NTM: variants seen among roughly 807,000 people sequenced by gnomAD.
NTM encodes IgLON family member 2.
Under a neutral mutation model 42.1 loss-of-function variants are expected in NTM, and 13 were observed. The observed-to-expected ratio is 0.31, with a 90% confidence interval of 0.20 to 0.49. The LOEUF (loss-of-function observed/expected upper bound fraction) is 0.49, where lower values mean the gene tolerates loss of function less well. NTM is among the 20% of genes least tolerant of loss of function. NTM has a pLI of 0.99. For missense variants in NTM, 373 were observed against 452.8 expected, an observed-to-expected ratio of 0.82 and a Z score of 1.60; for synonymous variants, 187 against 179.2, an observed-to-expected ratio of 1.04 and a Z score of -0.35.
At chr11:131,643,480 A>G (rs899954043) in intron 1 of NTM, among the ~76,000 whole-genome samples, 2 of 152,146 alleles carry the variant, frequency 1.3e-5, no homozygotes, top group Admixed American at 1.3e-4. Flanking sequence ...CCCCTTCCTC[A>G]AGAGCTGGCC....
At chr11:132,198,816 T>C (rs186804618) in intron 3 of NTM, among the ~76,000 whole-genome samples, 1 of 152,364 alleles carries the variant, frequency 6.6e-6, no homozygotes, top group Non-Finnish European at 1.5e-5. Flanking sequence ...TCAGGACATG[T>C]ACTTTAAAAT....
chr11:132,025,566 T>C (rs1343090139), intron 2 of NTM, among the ~76,000 whole-genome samples: 2 of 152,138 alleles, frequency 1.3e-5, no homozygotes, highest in African/African-American at 4.8e-5. Flanking sequence ...AGCAGCCCTC[T>C]GATGCTCCCT....
intron 1 of NTM, among the ~76,000 whole-genome samples, chr11:131,764,682 G>A (rs567510578): frequency 2.1e-4 from 32 of 152,146 alleles, no homozygotes; most frequent in Non-Finnish European, 4.4e-4. Flanking sequence ...ATACAATCAT[G>A]TGTGCAATTA....
intron 1 of NTM, among the ~76,000 whole-genome samples, chr11:131,759,570 C>T (rs1352312816): frequency 2.6e-5 from 4 of 151,894 alleles, no homozygotes; most frequent in Non-Finnish European, 4.4e-5. Flanking sequence ...ATGCTATTTT[C>T]CTGGAGTAAG....
intron 4 of NTM, among the ~76,000 whole-genome samples, chr11:132,222,610 C>T (rs1459353088): frequency 6.6e-6 from 1 of 152,142 alleles, no homozygotes; most frequent in Non-Finnish European, 1.5e-5. Context: ...CAGTCTGCCA[C>T]CTGGCTCTCC....
intron 2 of NTM, among the ~76,000 whole-genome samples, chr11:132,109,207 T>G (rs11222935): frequency 0.7 from 105,729 of 151,498 alleles, 37,649 homozygotes; most frequent in African/African-American, 0.78. Context: ...TATCTTTTAG[T>G]TATATACCCA....
At chr11:131,643,358 G>A (rs954493378) in intron 1 of NTM, among the ~76,000 whole-genome samples, 3 of 152,308 alleles carry the variant, frequency 2.0e-5, no homozygotes, top group East Asian at 3.9e-4. Flanking sequence ...GCCTGCTGAC[G>A]GTTCCAGCAC....
chr11:131,416,811 G>T (rs1947006530), intron 1 of NTM, among the ~76,000 whole-genome samples: 1 of 152,296 alleles, frequency 6.6e-6, no homozygotes, highest in African/African-American at 2.4e-5. Context: ...ATTAAAGAGT[G>T]GGTTGGAAGA....
At chr11:131,810,556 G>A (rs1472647126) in intron 1 of NTM, among the ~76,000 whole-genome samples, 1 of 152,212 alleles carries the variant, frequency 6.6e-6, no homozygotes, top group Non-Finnish European at 1.5e-5. Context: ...CAGGTACCAT[G>A]CTTGTGTCTG....
At chr11:131,635,256 C>A (rs371912675) in intron 1 of NTM, among the ~76,000 whole-genome samples, 1 of 152,116 alleles carries the variant, frequency 6.6e-6, no homozygotes, top group Admixed American at 6.5e-5. Context: ...AGGAGGGATT[C>A]CAGAATAAGG....
chr11:131,405,469 C>A (rs1380240041), intron 1 of NTM, among the ~76,000 whole-genome samples: 2 of 152,102 alleles, frequency 1.3e-5, no homozygotes, highest in Admixed American at 1.3e-4. Flanking sequence ...CTTCCCTTTC[C>A]TTCACCCTTA....
At chr11:132,159,988 A>G (rs2073964829) in intron 3 of NTM, among the ~76,000 whole-genome samples, 1 of 152,182 alleles carries the variant, frequency 6.6e-6, no homozygotes, top group Non-Finnish European at 1.5e-5. Flanking sequence ...TTGTTGCTGC[A>G]CTGTTGTTCA....
chr11:131,384,503 T>C (rs1178948640), intron 1 of NTM, among the ~76,000 whole-genome samples: 1 of 152,060 alleles, frequency 6.6e-6, no homozygotes, highest in African/African-American at 2.4e-5. Flanking sequence ...GGGATACAAA[T>C]AGAAAGAAGA....
chr11:132,198,986 G>A (rs1325683658), intron 3 of NTM, among the ~76,000 whole-genome samples: 1 of 152,228 alleles, frequency 6.6e-6, no homozygotes, highest in Non-Finnish European at 1.5e-5. Flanking sequence ...ATGTAGACCT[G>A]AAAAGCAAGC....
intron 1 of NTM, among the ~76,000 whole-genome samples, chr11:131,405,862 G>A (rs887751852): frequency 1.3e-5 from 2 of 152,120 alleles, no homozygotes; most frequent in African/African-American, 4.8e-5. Flanking sequence ...TCTTAAACTT[G>A]CCAAGTTTGG....
At chr11:131,505,868 C>T (rs57717620) in intron 1 of NTM, among the ~76,000 whole-genome samples, 3,971 of 152,190 alleles carry the variant, frequency 0.026, 189 homozygotes, top group African/African-American at 0.09. Flanking sequence ...TGTGATCCCG[C>T]GCAAGTTACT....
chr11:131,548,604 C>T (rs2054251725), intron 1 of NTM, among the ~76,000 whole-genome samples: 1 of 152,170 alleles, frequency 6.6e-6, no homozygotes, highest in South Asian at 2.1e-4. Flanking sequence ...CAGAGTCTGC[C>T]TTCCCCATCC....
intron 1 of NTM, among the ~76,000 whole-genome samples, chr11:131,382,254 G>A (rs1942780328): frequency 6.6e-6 from 1 of 152,082 alleles, no homozygotes; most frequent in South Asian, 2.1e-4. Flanking sequence ...TGGGAGACTG[G>A]GATCCTTCCT....
intron 2 of NTM, among the ~76,000 whole-genome samples, chr11:132,011,178 A>T (rs1348907910): frequency 1.3e-5 from 2 of 152,040 alleles, no homozygotes; most frequent in Non-Finnish European, 2.9e-5. Context: ...GAAGAACTGA[A>T]TAAAGTCACC....
Sources: gnomAD v4.1 joint callset for allele counts (sites outside exome capture counted in the v4.1 genomes callset) on GRCh38, gnomAD v4.1.1 for gene constraint, MANE v1.5 for transcripts, NCBI Gene and HGNC (gene_info 2026-07-23, HGNC 2026-07-21) for gene names.